The following FMN2 variants were observed in gnomAD, a reference collection of about 807,000 sequenced individuals.
FMN2 encodes formin-2.
A neutral mutation model predicts 142.3 loss-of-function variants in FMN2; 51 were observed. The observed-to-expected ratio is 0.36, with a 90% CI of 0.29 to 0.45. The LOEUF is 0.45. Among genes scored for constraint, FMN2 ranks in the 20% least tolerant of loss-of-function variants. FMN2 has a pLI of 1.00. For missense variants in FMN2, 1,936 were observed against 2,122.8 expected, an observed-to-expected ratio of 0.91 and a Z score of 1.73; for synonymous variants, 882 against 869.8, an observed-to-expected ratio of 1.01 and a Z score of -0.25.
At chr1:240,257,907 A>C (rs768104812) in intron 6 of FMN2, 38 bp from the exon 7 acceptor site, 1 of 1,570,118 alleles carries the variant, frequency 6.4e-7, no homozygotes, top group Non-Finnish European at 8.8e-7. Context: ...TTGGAGTTCA[A>C]ATTAACATTT....
intron 8 of FMN2, among the ~76,000 whole-genome samples, chr1:240,328,164 A>G (rs1026440052): frequency 4.7e-5 from 7 of 148,872 alleles, no homozygotes; most frequent in Non-Finnish European, 8.9e-5. Context: ...AAAAAAAAAA[A>G]AAAAAAAAGA....
intron 6 of FMN2, among the ~76,000 whole-genome samples, chr1:240,253,754 A>G (rs1308101719): frequency 6.6e-6 from 1 of 152,134 alleles, no homozygotes; most frequent in African/African-American, 2.4e-5. Flanking sequence ...TTTATAGGGG[A>G]GGACTTTTTC....
chr1:240,187,269 C>CAAAAAAAAA (rs10610560), intron 3 of FMN2, among the ~76,000 whole-genome samples: 2 of 83,784 alleles, frequency 2.4e-5, no homozygotes, highest in African/African-American at 4.6e-5. Flanking sequence ...AACTCCATCT[C>CAAAAAAAAA]AAAAAAAAAA....
chr1:240,393,920 T>C (rs1303556949), intron 15 of FMN2, among the ~76,000 whole-genome samples: 1 of 151,996 alleles, frequency 6.6e-6, no homozygotes, highest in African/African-American at 2.4e-5. Context: ...CTGAGATGAG[T>C]ATTGCCAGGG....
In FMN2 at chr1:240,206,969, C is replaced by T. The variant is rs754303422; in HGVS notation, c.2157C>T (p.Gly719=). The part of the protein sequence containing the change: ...QGLENGVTAS[G]DVCLEALRLE... Reference sequence around the variant, plus strand: ...TTGAGAATGGAGTGACAGCCTCAGGCGATGTCTGTCTCGAAGCTCTCAGGT... The same window carrying T: ...TTGAGAATGGAGTGACAGCCTCAGGTGATGTCTGTCTCGAAGCTCTCAGGT... Residue 719 remains glycine, a synonymous_variant, in exon 5 of 18, where the codon GGC becomes GGT. Coordinates refer to ENST00000319653, the MANE Select transcript of FMN2 (RefSeq NM_020066.5). The T allele has an allele frequency of 3.8e-5, 62 of 1,613,984 alleles. No individual in the cohort carries two copies. The highest frequency in any genetic ancestry group is 1.7e-5 in the Admixed American group (1 of 60,004).
At chr1:240,415,704 T>C (rs551298770) in intron 15 of FMN2, among the ~76,000 whole-genome samples, 4 of 152,232 alleles carry the variant, frequency 2.6e-5, no homozygotes, top group African/African-American at 9.6e-5. Context: ...ACCTAGAAGG[T>C]AGTAATGATA....
At chr1:240,332,898 G>A (rs1318847993) in intron 11 of FMN2, among the ~76,000 whole-genome samples, 1 of 152,072 alleles carries the variant, frequency 6.6e-6, no homozygotes, top group Non-Finnish European at 1.5e-5. Context: ...TTACAAGTTG[G>A]GAGAGAGAAA....
chr1:240,401,661 G>A (rs1029732458), intron 15 of FMN2, among the ~76,000 whole-genome samples: 6 of 152,194 alleles, frequency 3.9e-5, no homozygotes, highest in African/African-American at 9.7e-5. Context: ...TGATAGCTGA[G>A]TTGGGCTATC....
chr1:240,403,856 ATACAC>A (rs1674067142), intron 15 of FMN2, among the ~76,000 whole-genome samples: 1 of 152,208 alleles, frequency 6.6e-6, no homozygotes, highest in Non-Finnish European at 1.5e-5. Context: ...CTTAAAGAGA[ATACAC>A]TACATTCCCT....
intron 2 of FMN2, 37 bp downstream of exon 2, chr1:240,123,382 T>C (rs1471148035): frequency 6.3e-7 from 1 of 1,593,506 alleles, no homozygotes. Flanking sequence ...GTGAGGCAGA[T>C]TTGCTGTGGA....
rs183940083 is a variant in FMN2 at position 240,435,779 on chromosome 1, A to G, written c.4911-2282A>G. Among the ~76,000 whole-genome samples the G allele has an allele frequency of 6.6e-5, 10 of 152,234 alleles. No individual in the cohort carries two copies. In the East Asian group the frequency reaches 1.4e-3, roughly 21 times the overall value. On this transcript the variant is annotated intron_variant, in intron 15 of 17. Coordinates refer to ENST00000319653, the MANE Select transcript of FMN2 (RefSeq NM_020066.5). ...CATTCTTTGCTTTTGATACCATACT[A>G]CCTCGTGATAAAACTTTCAAAATGT...
intron 1 of FMN2, among the ~76,000 whole-genome samples, chr1:240,108,985 G>A (rs190912968): frequency 3.9e-5 from 6 of 152,208 alleles, no homozygotes; most frequent in Admixed American, 2.0e-4. Context: ...GCAGTGAGCC[G>A]AGATCCTGCC....
chr1:240,205,192 A>C (rs1666282781), intron 4 of FMN2, among the ~76,000 whole-genome samples: 1 of 152,122 alleles, frequency 6.6e-6, no homozygotes, highest in Non-Finnish European at 1.5e-5. Flanking sequence ...GTAGTGTTGC[A>C]GGAAACCCTG....
chr1:240,469,882 G>A (rs969333389), intron 16 of FMN2, among the ~76,000 whole-genome samples: 4 of 152,142 alleles, frequency 2.6e-5, no homozygotes, highest in Non-Finnish European at 1.5e-5. Context: ...TCGAGCTAAT[G>A]CTTCAGAAAT....
At chr1:240,350,171 C>T (rs951817490) in intron 13 of FMN2, among the ~76,000 whole-genome samples, 12 of 152,236 alleles carry the variant, frequency 7.9e-5, no homozygotes, top group Non-Finnish European at 1.5e-4. Context: ...AACTCTAGAA[C>T]GTGACATTCT....
At chr1:240,206,087 A>G (rs1666342291) in intron 4 of FMN2, among the ~76,000 whole-genome samples, 1 of 151,408 alleles carries the variant, frequency 6.6e-6, no homozygotes, top group Admixed American at 6.6e-5. Flanking sequence ...AATTTTTAGG[A>G]GAGATGCAGT....
At chr1:240,184,935 C>G (rs1013646463) in intron 3 of FMN2, among the ~76,000 whole-genome samples, 18 of 148,038 alleles carry the variant, frequency 1.2e-4, no homozygotes, top group African/African-American at 4.5e-4. Flanking sequence ...TTTACTTTCT[C>G]CCTCCTATAC....
At chr1:240,235,907 A>G (rs528117624) in intron 6 of FMN2, 2 of 152,294 alleles carry the variant, frequency 1.3e-5, no homozygotes, top group South Asian at 4.1e-4. Flanking sequence ...TAATGTATTC[A>G]TTAGTCACTC....
At chr1:240,228,898 A>C (rs1157585532) in intron 6 of FMN2, among the ~76,000 whole-genome samples, 6 of 152,148 alleles carry the variant, frequency 3.9e-5, no homozygotes, top group African/African-American at 1.4e-4. Context: ...GGAGAAATTT[A>C]TAACTTTTTT....
Sources: allele counts gnomAD v4.1 joint callset (sites outside exome capture counted in the v4.1 genomes callset), GRCh38; gene constraint gnomAD v4.1.1; transcripts MANE v1.5; gene names NCBI Gene and HGNC (gene_info 2026-07-23, HGNC 2026-07-21).